Variants in IQSEC1 observed in about 807,000 individuals in gnomAD.
IQSEC1 encodes IQ motif and SEC7 domain-containing protein 1.
IQSEC1 carries 31 observed loss-of-function variants against 91.0 expected under a neutral mutation model. That is an observed-to-expected ratio of 0.34 (90% CI 0.26 to 0.46). The LOEUF (loss-of-function observed/expected upper bound fraction) is 0.46. IQSEC1 is among the 20% of genes least tolerant of loss of function. IQSEC1 has a pLI of 1.00. For synonymous variants in IQSEC1, 699 were observed against 662.6 expected, an observed-to-expected ratio of 1.05 and a Z score of -0.84; for missense variants, 1,388 against 1,575.6, an observed-to-expected ratio of 0.88 and a Z score of 2.02.
At chr3:13,025,386 T>C (rs372777614) in intron 1 of IQSEC1, among the ~76,000 whole-genome samples, 2 of 152,374 alleles carry the variant, frequency 1.3e-5, no homozygotes, top group South Asian at 2.1e-4. Flanking sequence ...GAGATGCTGA[T>C]GCCATTGTGA....
intron 1 of IQSEC1, among the ~76,000 whole-genome samples, chr3:13,260,626 A>G (rs1259700722): frequency 6.6e-6 from 1 of 152,194 alleles, no homozygotes; most frequent in Admixed American, 6.5e-5. Flanking sequence ...TGAGTCTACC[A>G]TCAAGGCCTG....
chr3:13,103,799 G>C lies in IQSEC1; in HGVS notation c.303-56277C>G, dbSNP rs62232958. ...CTACCACCCTACGAGGGCAGGGGCT[G>C]TGTCTGCCTCCATCACTGCTCTCTC... On this transcript the variant is annotated intron_variant, in intron 2 of 15. Coordinates refer to the IQSEC1 transcript ENST00000648114. The surrounding 1 kb of genome is among the most constrained non-coding windows in gnomAD (Gnocchi z 4.1). Among the ~76,000 whole-genome samples, 9,110 of 152,234 alleles carry C rather than the reference G, an allele frequency of 0.06. 453 individuals are homozygous for C. The highest frequency in any genetic ancestry group is 0.22 in the East Asian group (1,160 of 5,168).
At chr3:13,146,047 G>C (rs1706890820) in intron 2 of IQSEC1, among the ~76,000 whole-genome samples, 2 of 152,104 alleles carry the variant, frequency 1.3e-5, no homozygotes, top group Admixed American at 6.5e-5. Flanking sequence ...GAGTGCAGTG[G>C]TGCAATCATC....
chr3:13,073,586 A>T (rs1576237713), upstream of IQSEC1, among the ~76,000 whole-genome samples: 1 of 150,432 alleles, frequency 6.6e-6, no homozygotes, highest in South Asian at 2.1e-4. Context: ...AAAGTCACAC[A>T]CCCGGCGGGG....
At chr3:12,985,657 CA>C (rs1177180660) in intron 1 of IQSEC1, among the ~76,000 whole-genome samples, 14 of 152,098 alleles carry the variant, frequency 9.2e-5, no homozygotes, top group African/African-American at 3.4e-4. Flanking sequence ...GGACGGGTGG[CA>C]GAGTGGGGGG....
At chr3:13,263,654 G>A (rs1458105238) in intron 1 of IQSEC1, among the ~76,000 whole-genome samples, 2 of 152,198 alleles carry the variant, frequency 1.3e-5, no homozygotes, top group East Asian at 1.9e-4. Context: ...TGTTGGCCAG[G>A]CTGGTCTTGA....
intron 2 of IQSEC1, among the ~76,000 whole-genome samples, chr3:13,118,433 G>A (rs754275536): frequency 1.3e-5 from 2 of 152,168 alleles, no homozygotes; most frequent in Non-Finnish European, 2.9e-5. Context: ...TGGGTGAACG[G>A]ATAGACAAAT....
rs906568426 is a variant in IQSEC1, at chr3:12,900,680, G to T, written c.*303C>A. 3 of 1,325,416 alleles carry T rather than the reference G, an allele frequency of 2.3e-6. No homozygotes were observed. The South Asian group carries it at 5.1e-5, about 23-fold the overall frequency. 82.1% of individuals were successfully genotyped at this position (1,325,416 alleles called of 1,614,324 possible). A position where few individuals can be genotyped will look rare whatever the true frequency, so the allele number is the denominator to read the frequency against. Reference sequence around the variant, plus strand: ...GGCACAGGGAGCTGAGAGCTGGAGTGGGGGAGGCAGTTCAACACTACTTGG... The same window carrying T: ...GGCACAGGGAGCTGAGAGCTGGAGTTGGGGAGGCAGTTCAACACTACTTGG... On this transcript the variant is annotated 3_prime_UTR_variant, in exon 14 of 14. Transcript: ENST00000613206.
At chr3:12,965,633 C>T (rs1700515711) in intron 1 of IQSEC1, among the ~76,000 whole-genome samples, 1 of 152,336 alleles carries the variant, frequency 6.6e-6, no homozygotes, top group African/African-American at 2.4e-5. Flanking sequence ...CAACCCAGAC[C>T]ACAGAAGGAT....
intron 2 of IQSEC1, among the ~76,000 whole-genome samples, chr3:13,081,045 A>G (rs1434330460): frequency 6.6e-6 from 1 of 152,250 alleles, no homozygotes; most frequent in Admixed American, 6.5e-5. Flanking sequence ...GTGGGATATT[A>G]TACAGCCTTT....
intron 1 of IQSEC1, among the ~76,000 whole-genome samples, chr3:13,247,815 G>A (rs899803311): frequency 2.0e-5 from 3 of 152,082 alleles, no homozygotes; most frequent in Non-Finnish European, 4.4e-5. Context: ...GGCATTGCAG[G>A]CACTGTTCCC....
chr3:12,917,846 A>G (rs1696251997), intron 6 of IQSEC1, among the ~76,000 whole-genome samples: 1 of 152,220 alleles, frequency 6.6e-6, no homozygotes, highest in South Asian at 2.1e-4. Context: ...ATTTAAGAAC[A>G]AACTTTAATA....
intron 1 of IQSEC1, among the ~76,000 whole-genome samples, chr3:13,189,625 A>G (rs1693987440): frequency 6.6e-6 from 1 of 152,162 alleles, no homozygotes; most frequent in East Asian, 1.9e-4. Flanking sequence ...ACTGAACTGC[A>G]TTCCCTTCTT....
chr3:13,280,281 T>C (rs968887547), intron 1 of IQSEC1, among the ~76,000 whole-genome samples: 7 of 152,098 alleles, frequency 4.6e-5, no homozygotes, highest in African/African-American at 9.7e-5. Context: ...TCCAAGCACA[T>C]TGATAATGAG....
intron 1 of IQSEC1, among the ~76,000 whole-genome samples, chr3:13,037,108 A>G (rs1383521877): frequency 6.6e-6 from 1 of 151,972 alleles, no homozygotes; most frequent in African/African-American, 2.4e-5. Context: ...TCCTCTCTGA[A>G]TCTCTCTTTC....
intron 1 of IQSEC1, among the ~76,000 whole-genome samples, chr3:13,040,745 C>T (rs945816436): frequency 6.6e-6 from 1 of 152,196 alleles, no homozygotes; most frequent in Admixed American, 6.5e-5. Flanking sequence ...ATGTGGTTTC[C>T]CCTCTGTCTG....
At position 13,097,879 on chromosome 3, in the gene IQSEC1, T is replaced by C. The variant is rs1478754780; in HGVS notation, c.303-50357A>G. ...CTGCGCCTGTGTGCAGCCCCTTTCT[T>C]CATGACCAGCTCAGTGGTATAGGAG... On this transcript the variant is annotated intron_variant, in intron 2 of 15. Transcript: ENST00000648114. Among the ~76,000 whole-genome samples, 3 of 152,240 alleles carry C rather than the reference T, an allele frequency of 2.0e-5. No homozygotes were observed. The East Asian group carries it at 5.8e-4, about 29-fold the overall frequency.
chr3:13,002,674 A>G (rs1336644113), intron 1 of IQSEC1, among the ~76,000 whole-genome samples: 1 of 152,266 alleles, frequency 6.6e-6, no homozygotes, highest in Admixed American at 6.5e-5. Context: ...TTAAATGGGC[A>G]AAAGGTTTGA....
At chr3:13,255,337 C>T (rs1001532757) in intron 1 of IQSEC1, among the ~76,000 whole-genome samples, 2 of 152,128 alleles carry the variant, frequency 1.3e-5, no homozygotes, top group Middle Eastern at 3.2e-3. Flanking sequence ...CCTGAGGACA[C>T]CTGAAGGGCC....
Sources: allele counts gnomAD v4.1 joint callset (sites outside exome capture counted in the v4.1 genomes callset), GRCh38; gene constraint gnomAD v4.1.1; non-coding constraint Gnocchi (gnomAD v3.1); transcripts MANE v1.5; gene names NCBI Gene and HGNC (gene_info 2026-07-23, HGNC 2026-07-21).